KLRG2: variants seen among roughly 807,000 people sequenced by gnomAD.
KLRG2 encodes the protein killer cell lectin-like receptor subfamily G member 2.
Under a neutral mutation model 35.4 loss-of-function variants are expected in KLRG2, and 39 were observed. That is an observed-to-expected ratio of 1.10 (90% CI 0.85 to 1.44). KLRG2 has a LOEUF of 1.44. KLRG2 is among the 40% of genes most tolerant of loss of function. KLRG2 has a pLI of 0.00. For missense variants in KLRG2, 632 were observed against 570.9 expected (o/e 1.11, Z -1.09); for synonymous variants, 283 against 265.8 (o/e 1.06, Z -0.63).
intron 3 of KLRG2, among the ~76,000 whole-genome samples, chr7:139,474,106 T>G (rs1796808493): frequency 6.9e-6 from 1 of 144,164 alleles, no homozygotes; most frequent in South Asian, 2.3e-4. Context: ...CACCTCCACC[T>G]CCTGGGTTCA....
chr7:139,438,048 G>C, the KLRG2 span, among the ~76,000 whole-genome samples: 61 of 152,278 alleles, frequency 4.0e-4, 1 homozygote, highest in South Asian at 8.7e-3. Context: ...TGGCTCTCTT[G>C]CCATTGTCAT....
chr7:139,438,134 G>A, the KLRG2 span, among the ~76,000 whole-genome samples: 1 of 152,226 alleles, frequency 6.6e-6, no homozygotes, highest in Non-Finnish European at 1.5e-5. Flanking sequence ...AGCCAAGGCC[G>A]GGCTAGAGAA....
the KLRG2 span, among the ~76,000 whole-genome samples, chr7:139,446,064 A>G: frequency 6.6e-6 from 1 of 151,914 alleles, no homozygotes; most frequent in Non-Finnish European, 1.5e-5. Flanking sequence ...GCTGATCTTA[A>G]ACTCCTGACC....
chr7:139,473,447 C>A (rs1796795604), intron 3 of KLRG2, among the ~76,000 whole-genome samples: 1 of 152,196 alleles, frequency 6.6e-6, no homozygotes, highest in Admixed American at 6.5e-5. Context: ...GTAAAGCCTG[C>A]CTCTAAAAAA....
At chr7:139,456,642 G>A (rs1405559434) in intron 3 of KLRG2, among the ~76,000 whole-genome samples, 6 of 152,086 alleles carry the variant, frequency 3.9e-5, no homozygotes, top group African/African-American at 4.8e-5. Context: ...ATAAGCCACT[G>A]CACCCAGCCT....
At chr7:139,474,252 C>A (rs941027792) in intron 3 of KLRG2, among the ~76,000 whole-genome samples, 1 of 152,066 alleles carries the variant, frequency 6.6e-6, no homozygotes, top group Non-Finnish European at 1.5e-5. Flanking sequence ...TCTCGAACTC[C>A]TGACCTCAAG....
chr7:139,427,618 C>T, the KLRG2 span, among the ~76,000 whole-genome samples: 1 of 152,118 alleles, frequency 6.6e-6, no homozygotes, highest in African/African-American at 2.4e-5. Flanking sequence ...CTTAGCAGCT[C>T]GTGTGATTGA....
rs776387900 is a variant in KLRG2 at position 139,453,607 on chromosome 7, AG to A, written c.1209del (p.Cys404ValfsTer29). Reference protein sequence around the residue: ...AANCSTPRPWVCAKGTQ With the variant: ...AANCSTPRPWXCAKGTQ ...CCAGATCACTGGGTCCCCTTGGCAC[AG>A]ACCCAGGGTCTTGGAGTGCTGCAGT... On this transcript the variant is annotated frameshift_variant, in exon 5 of 5. Coordinates refer to ENST00000340940, the MANE Select transcript of KLRG2 (RefSeq NM_198508.4). LOFTEE classifies it high-confidence loss of function. 1.2e-6 allele frequency: 2 copies of A among 1,607,924 alleles called. No homozygotes were observed. Among genetic ancestry groups the A allele is most frequent in the South Asian group, 2.2e-5 (2 of 89,690 alleles).
chr7:139,480,033 G>A (rs566117694), intron 2 of KLRG2, 113 bp downstream of exon 2: 85 of 812,650 alleles, frequency 1.0e-4, no homozygotes, highest in Non-Finnish European at 1.5e-4. Context: ...CCATGTCTTC[G>A]TGTTGCATCT....
intron 1 of KLRG2, among the ~76,000 whole-genome samples, chr7:139,482,418 G>A (rs571793606): frequency 6.6e-6 from 1 of 151,934 alleles, no homozygotes; most frequent in South Asian, 2.1e-4. Flanking sequence ...TTGAGACGGA[G>A]TTTCTCTCTT....
chr7:139,446,466 C>T, the KLRG2 span, among the ~76,000 whole-genome samples: 1 of 150,892 alleles, frequency 6.6e-6, no homozygotes, highest in Admixed American at 6.7e-5. Flanking sequence ...TCTCGTGCCT[C>T]AGCCTCCTGA....
chr7:139,448,114 C>T (rs1796330437), downstream of KLRG2, among the ~76,000 whole-genome samples: 1 of 152,132 alleles, frequency 6.6e-6, no homozygotes, highest in Admixed American at 6.6e-5. Flanking sequence ...CCATCTTCAG[C>T]CTCCCAAGCA....
In KLRG2 at chr7:139,479,748, G is replaced by C. The variant is rs563935285; in HGVS notation, c.884C>G (p.Pro295Arg). 2.5e-6 allele frequency: 4 copies of C among 1,612,260 alleles called. No individual in the cohort carries two copies. The highest frequency in any genetic ancestry group is 2.7e-5 in the African/African-American group (2 of 73,618). The change falls in exon 3 of 5, where the codon CCA (proline) becomes CGA (arginine). Residue 295 changes from proline (P) to arginine (R), a missense_variant. Coordinates refer to ENST00000340940, the MANE Select transcript of KLRG2 (RefSeq NM_198508.4). ...GTGCTCCTCGGACAACACCCAGCCT[G>C]GGGGGCACTGCTGGCATCTGGCTCC... ...RAGARCQQCPPGWVLSEEHCY... is the reference protein window; with the variant it reads ...RAGARCQQCPRGWVLSEEHCY...
rs191021793 is a variant in KLRG2 at position 139,461,788 on chromosome 7, C to G, written c.1006-7574G>C. Among the ~76,000 whole-genome samples, 3 of 152,276 alleles carry G rather than the reference C, an allele frequency of 2.0e-5. No individual in the cohort carries two copies. The East Asian group carries it at 5.8e-4, about 29-fold the overall frequency. On this transcript the variant is annotated intron_variant, in intron 3 of 4. Transcript: ENST00000340940. Reference sequence around the variant, plus strand: ...ACTCTTTTCGGACTCAGCCCGCCTGCACCCAGGTTAAATAAACAGCCTCAT... The same window carrying G: ...ACTCTTTTCGGACTCAGCCCGCCTGGACCCAGGTTAAATAAACAGCCTCAT...
chr7:139,471,353 A>G (rs7791776), intron 3 of KLRG2, among the ~76,000 whole-genome samples: 49,375 of 151,956 alleles, frequency 0.32, 11,730 homozygotes, highest in African/African-American at 0.67. Flanking sequence ...AGAGATACTG[A>G]CATGTGTGTT....
At chr7:139,467,061 TG>T (rs1569413197) in intron 3 of KLRG2, among the ~76,000 whole-genome samples, 2 of 152,156 alleles carry the variant, frequency 1.3e-5, no homozygotes, top group African/African-American at 4.8e-5. Flanking sequence ...AAACATTCTA[TG>T]GGACAAATAC....
the KLRG2 span, among the ~76,000 whole-genome samples, chr7:139,440,965 C>T: frequency 5.3e-5 from 8 of 152,088 alleles, no homozygotes; most frequent in African/African-American, 1.2e-4. Flanking sequence ...GTATTGAGGC[C>T]GGCCATGGTG....
chr7:139,467,669 A>G (rs1796687765), intron 3 of KLRG2, among the ~76,000 whole-genome samples: 1 of 150,782 alleles, frequency 6.6e-6, no homozygotes, highest in African/African-American at 2.5e-5. Flanking sequence ...CCACTCCCTA[A>G]TCTCAAGTAC....
intron 3 of KLRG2, among the ~76,000 whole-genome samples, chr7:139,470,083 G>A (rs900279256): frequency 6.6e-6 from 1 of 151,078 alleles, no homozygotes; most frequent in African/African-American, 2.4e-5. Flanking sequence ...TTTTTGGACG[G>A]AGTCTCGCTC....
Sources: allele counts gnomAD v4.1 joint callset (sites outside exome capture counted in the v4.1 genomes callset), GRCh38; gene constraint gnomAD v4.1.1; transcripts MANE v1.5; gene names NCBI Gene and HGNC (gene_info 2026-07-23, HGNC 2026-07-21).